Variants in DOP1B observed in about 807,000 individuals in gnomAD.
The protein encoded by DOP1B is protein DOP1B.
In DOP1B, 174 loss-of-function variants were observed where a neutral mutation model predicts 233.5. The ratio of observed to expected loss-of-function variants is 0.75; its 90% CI spans 0.66 to 0.85. The LOEUF (loss-of-function observed/expected upper bound fraction) is 0.85, where lower values mean the gene tolerates loss of function less well. DOP1B is among the 40% of genes least tolerant of loss of function. The probability of loss-of-function intolerance (pLI) is 0.00; values close to 1 mark genes in which losing one functional copy is unlikely to be tolerated. For missense variants in DOP1B, 2,652 were observed against 2,846.6 expected (o/e 0.93, Z 1.56); for synonymous variants, 1,190 against 1,185.6 (o/e 1.00, Z -0.08).
chr21:36,283,020 AG>A (rs1278243042), intron 32 of DOP1B, among the ~76,000 whole-genome samples: 2 of 148,898 alleles, frequency 1.3e-5, no homozygotes, highest in African/African-American at 4.9e-5. Context: ...CGTGATTGTC[AG>A]GGTTTTTTTT....
chr21:36,234,427 C>A (rs1007293605), intron 15 of DOP1B, among the ~76,000 whole-genome samples: 1 of 152,158 alleles, frequency 6.6e-6, no homozygotes, highest in Non-Finnish European at 1.5e-5. Flanking sequence ...TAAATACATT[C>A]CTTTTATTTT....
intron 2 of DOP1B, among the ~76,000 whole-genome samples, chr21:36,180,667 G>A (rs925483203): frequency 2.0e-5 from 3 of 152,068 alleles, no homozygotes; most frequent in Non-Finnish European, 4.4e-5. Context: ...GATCACCTGA[G>A]GTCAGGAGTT....
In DOP1B at chr21:36,263,551, C is replaced by G. The variant is rs1397911360; in HGVS notation, c.5321C>G (p.Pro1774Arg). The G allele has an allele frequency of 1.2e-6, 2 of 1,613,744 alleles. No homozygotes were observed. Among genetic ancestry groups the G allele is most frequent in the African/African-American group, 1.3e-5 (1 of 74,888 alleles). Reference protein sequence around the residue: ...QFCYAFLQRLPVPALQENFSS... With the variant: ...QFCYAFLQRLRVPALQENFSS... ...CCTATCTTTTAAAAAAACAGGCTCC[C>G]AGTACCAGCCTTGCAAGAGAACTTT... The change falls in exon 25 of 37, where the codon CCA (proline) becomes CGA (arginine). Residue 1774 changes from proline (P) to arginine (R), a missense_variant. By Grantham distance (103) the Pro-to-Arg change is moderately radical. Around this residue, in one of 3 missense-constraint regions of DOP1B, gnomAD observed 2,617 missense variants for 2,794.3 expected, o/e 0.94. Coordinates refer to ENST00000691173, the MANE Select transcript of DOP1B (RefSeq NM_001320714.2).
At chr21:36,190,649 C>T (rs1029895675) in intron 2 of DOP1B, among the ~76,000 whole-genome samples, 2 of 152,198 alleles carry the variant, frequency 1.3e-5, no homozygotes, top group African/African-American at 2.4e-5. Context: ...CTACCTGCCT[C>T]GGCCTCCTAA....
intron 2 of DOP1B, among the ~76,000 whole-genome samples, chr21:36,185,526 A>G (rs900081095): frequency 1.3e-5 from 2 of 152,220 alleles, no homozygotes; most frequent in Non-Finnish European, 2.9e-5. Flanking sequence ...CTACTGATGA[A>G]GAAACTGGAG....
intron 5 of DOP1B, among the ~76,000 whole-genome samples, chr21:36,209,819 T>G (rs2052370579): frequency 6.6e-6 from 1 of 152,214 alleles, no homozygotes; most frequent in Non-Finnish European, 1.5e-5. Context: ...TTTCGCCACC[T>G]GGTGGTGTTC....
At position 36,249,287 on chromosome 21, in the gene DOP1B, G is replaced by T. The variant is rs190845340; in HGVS notation, c.4998+719G>T. On this transcript the variant is annotated intron_variant, in intron 21 of 36. Transcript: ENST00000691173. ...TACAAAAAATACAAAAATTAGCTGG[G>T]TATGGTGGCAGGCACCTGTAGTCCG... Among the ~76,000 whole-genome samples, 9 of 152,104 alleles carry T rather than the reference G, an allele frequency of 5.9e-5. No homozygotes were observed. The East Asian group carries it at 1.4e-3, about 23-fold the overall frequency.
In DOP1B at chr21:36,261,634, C is replaced by T. The variant is rs565786829; in HGVS notation, c.5315+902C>T. Reference sequence around the variant, plus strand: ...AAAATGAGGGTGAGGTGGCTGGGTGCGGTGGCTCAACGCCTGTAATCCCAG... The same window carrying T: ...AAAATGAGGGTGAGGTGGCTGGGTGTGGTGGCTCAACGCCTGTAATCCCAG... On this transcript the variant is annotated intron_variant, in intron 24 of 36. Transcript: ENST00000691173. The T allele has an allele frequency of 1.1e-5, 11 of 984,768 alleles. No individual in the cohort carries two copies. In the South Asian group the frequency reaches 1.9e-4, roughly 17 times the overall value. The allele number at this position is 984,768 out of a possible 1,614,324, so 61.0% of individuals were successfully genotyped here.
rs748484979 is a variant in DOP1B, at chr21:36,246,014, A to G, written c.4034A>G (p.Gln1345Arg). 2 of 1,613,568 alleles carry G rather than the reference A, an allele frequency of 1.2e-6. No homozygotes were observed. The highest frequency in any genetic ancestry group is 1.7e-6 in the Non-Finnish European group (2 of 1,179,958). Reference sequence around the variant, plus strand: ...GACATTCTCGGCAACCGGGACGTGCAGGTCAAAAGTGTCGAGGTTTTGATC... The same window carrying G: ...GACATTCTCGGCAACCGGGACGTGCGGGTCAAAAGTGTCGAGGTTTTGATC... ...HRDILGNRDV[Q>R]VKSVEVLIRI... The change falls in exon 19 of 37, where the codon CAG (glutamine) becomes CGG (arginine). Residue 1345 changes from glutamine to arginine, a missense_variant. Gln to Arg is a conservative substitution (Grantham distance 43). Transcript: ENST00000691173. The surrounding 1 kb of genome is among the most constrained non-coding windows in gnomAD (Gnocchi z 5.1).
At chr21:36,166,233 G>T (rs1244977157) in intron 2 of DOP1B, among the ~76,000 whole-genome samples, 1 of 151,368 alleles carries the variant, frequency 6.6e-6, no homozygotes, top group Non-Finnish European at 1.5e-5. Flanking sequence ...TCAGGAGATC[G>T]AGACCATCCT....
chr21:36,265,655 G>T (rs1446945310), intron 26 of DOP1B, among the ~76,000 whole-genome samples: 1 of 152,106 alleles, frequency 6.6e-6, no homozygotes, highest in Non-Finnish European at 1.5e-5. Flanking sequence ...CAGCTGGCAT[G>T]CCTCTTCTCT....
chr21:36,217,664 T>C (rs75357380), intron 9 of DOP1B, among the ~76,000 whole-genome samples: 10,975 of 152,298 alleles, frequency 0.072, 545 homozygotes, highest in African/African-American at 0.13. Flanking sequence ...CTGCCCATGA[T>C]GTGCTGCCTC....
At chr21:36,292,083 C>A in intron 35 of DOP1B, 21 bp from the exon 36 acceptor site, 1 of 1,579,854 alleles carries the variant, frequency 6.3e-7, no homozygotes, top group Non-Finnish European at 8.6e-7. Context: ...GCAGACCTGA[C>A]CTTCTGTTTG....
chr21:36,242,897 A>G (rs1182647815), intron 18 of DOP1B, among the ~76,000 whole-genome samples: 1 of 152,058 alleles, frequency 6.6e-6, no homozygotes, highest in Non-Finnish European at 1.5e-5. Flanking sequence ...TCCATGGCAT[A>G]GAGTTTTTTT....
intron 2 of DOP1B, chr21:36,169,393 G>A: frequency 1.2e-6 from 1 of 860,154 alleles, no homozygotes; most frequent in South Asian, 1.3e-5. Context: ...CCATGGAGAA[G>A]GCCACATGGT....
At chr21:36,261,308 C>CG (rs2067168468) in intron 24 of DOP1B, 1 of 970,284 alleles carries the variant, frequency 1.0e-6, no homozygotes, top group Admixed American at 7.1e-5. Context: ...GAGGTTGCAG[C>CG]GAGCCAAGAC....
chr21:36,287,265 T>G (rs1196871180), intron 32 of DOP1B, among the ~76,000 whole-genome samples: 1 of 152,194 alleles, frequency 6.6e-6, no homozygotes, highest in Non-Finnish European at 1.5e-5. Context: ...ATTTACTTGC[T>G]CCGCTTCCCA....
At chr21:36,261,225 C>T (rs2067166925) in intron 24 of DOP1B, 1 of 852,802 alleles carries the variant, frequency 1.2e-6, no homozygotes, top group Admixed American at 6.2e-5. Context: ...ATTAGTCCGG[C>T]ATGGTGGCGT....
chr21:36,253,637 CA>C (rs368750677), intron 22 of DOP1B, 134 bp from the exon 23 acceptor site: 90,279 of 781,866 alleles, frequency 0.12, 1 homozygote, highest in East Asian at 0.21. Context: ...GACCGTGTTT[CA>C]AAAAAAAAAA....
Sources: allele counts gnomAD v4.1 joint callset (sites outside exome capture counted in the v4.1 genomes callset), GRCh38; gene constraint gnomAD v4.1.1; regional missense constraint gnomAD v4.1.1; non-coding constraint Gnocchi (gnomAD v3.1); transcripts MANE v1.5; gene names NCBI Gene and HGNC (gene_info 2026-07-23, HGNC 2026-07-21).